Variants in CCND2 observed in about 807,000 individuals in gnomAD.
CCND2 encodes the protein cyclin D2, also known as G1/S-specific cyclin-D2.
Under a neutral mutation model 30.2 loss-of-function variants are expected in CCND2, and 6 were observed. The ratio of observed to expected loss-of-function variants is 0.20; its 90% CI spans 0.11 to 0.39. The LOEUF is 0.39. Ranked by LOEUF, CCND2 falls within the 10% of genes least tolerant of loss-of-function variation. The probability of loss-of-function intolerance (pLI) is 1.00; values close to 1 mark genes in which losing one functional copy is unlikely to be tolerated. For missense variants in CCND2, 235 were observed against 373.4 expected (o/e 0.63, Z 3.06); for synonymous variants, 150 against 153.1 (o/e 0.98, Z 0.15).
chr12:4,296,258 A>G (rs1359821193), intron 4 of CCND2, among the ~76,000 whole-genome samples: 1 of 152,232 alleles, frequency 6.6e-6, no homozygotes, highest in African/African-American at 2.4e-5. Flanking sequence ...TTGCGGTAAA[A>G]GATACATTAA....
At position 4,300,773 on chromosome 12, in the gene CCND2, T is replaced by C; in HGVS notation, c.*764T>C. On this transcript the variant is annotated 3_prime_UTR_variant, in exon 5 of 5. Transcript: ENST00000261254. ...CATATTGCTATCTAATGGGGAAATG[T>C]AGCTATGGGCCATAACCAAAACTCA... 1 of 233,746 alleles carries C rather than the reference T, an allele frequency of 4.3e-6. No homozygotes were observed. The highest frequency in any genetic ancestry group is 6.0e-5 in the East Asian group (1 of 16,590). The allele number at this position is 233,746 out of a possible 1,614,324, so 14.5% of individuals were successfully genotyped here.
In CCND2 at chr12:4,276,307, C is replaced by A; in HGVS notation, c.411+87C>A. On this transcript the variant is annotated intron_variant, in intron 2 of 4. Transcript: ENST00000261254. The surrounding 1 kb of genome is among the most constrained non-coding windows in gnomAD (Gnocchi z 4.8). ...ATGCCTTCTATCACCACTGCCAGAG[C>A]AAATTCTTGGGATCCAGAATGACCC... The A allele has an allele frequency of 8.8e-7, 1 of 1,138,894 alleles. No individual in the cohort carries two copies. The highest frequency in any genetic ancestry group is 1.3e-6 in the Non-Finnish European group (1 of 789,898). The allele number at this position is 1,138,894 out of a possible 1,614,324, so 70.5% of individuals were successfully genotyped here.
At position 4,305,348 on chromosome 12, in the gene CCND2, C is replaced by G. The variant is rs1864301989; in HGVS notation, c.*5339C>G. The G allele has an allele frequency of 4.6e-6, 1 of 219,634 alleles. No homozygotes were observed. The highest frequency in any genetic ancestry group is 9.1e-6 in the Non-Finnish European group (1 of 109,630). 13.6% of individuals were successfully genotyped at this position (219,634 alleles called of 1,614,324 possible). A position where few individuals can be genotyped will look rare whatever the true frequency, so the allele number is the denominator to read the frequency against. ...TATTTGGACAATAAACTCACCTTGA[C>G]CTAAATTATCTGGCCGTTTTTGACT... On this transcript the variant is annotated 3_prime_UTR_variant, in exon 5 of 5. Coordinates refer to ENST00000261254, the MANE Select transcript of CCND2 (RefSeq NM_001759.4). The surrounding 1 kb of genome is among the most constrained non-coding windows in gnomAD (Gnocchi z 6.4).
At chr12:4,290,203 C>T (rs931949163) in intron 4 of CCND2, among the ~76,000 whole-genome samples, 3 of 152,230 alleles carry the variant, frequency 2.0e-5, no homozygotes, top group African/African-American at 7.2e-5. Flanking sequence ...GCCCGCCCAC[C>T]TGGATTTTCC....
In CCND2 at chr12:4,289,452, C is replaced by T. The variant is rs374987039; in HGVS notation, c.720+462C>T. Among the ~76,000 whole-genome samples, 7 of 152,306 alleles carry T rather than the reference C, an allele frequency of 4.6e-5. No individual in the cohort carries two copies. In the South Asian group the frequency reaches 6.2e-4, roughly 14 times the overall value. ...CACAAGAGGTGCCCCACTGTGAGAA[C>T]GGTGTCCGTCCCTGGCAAACCTCTC... On this transcript the variant is annotated intron_variant, in intron 4 of 4. Coordinates refer to ENST00000261254, the MANE Select transcript of CCND2 (RefSeq NM_001759.4).
At chr12:4,288,679 C>T (rs1373222352) in intron 3 of CCND2, among the ~76,000 whole-genome samples, 163 bp from the exon 4 acceptor site, 1 of 152,210 alleles carries the variant, frequency 6.6e-6, no homozygotes, top group African/African-American at 2.4e-5. Context: ...CAAATAAACA[C>T]AGGCTCCTTG....
rs1026802756 is a variant in CCND2 at position 4,303,479 on chromosome 12, T to C, written c.*3470T>C. 4.3e-6 allele frequency: 1 copy of C among 233,604 alleles called. No individual in the cohort carries two copies. Among genetic ancestry groups the C allele is most frequent in the South Asian group, 1.8e-4 (1 of 5,532 alleles). 14.5% of individuals were successfully genotyped at this position (233,604 alleles called of 1,614,324 possible). A position where few individuals can be genotyped will look rare whatever the true frequency, so the allele number is the denominator to read the frequency against. Reference sequence around the variant, plus strand: ...GTTCCAAATTATCCTGGTCTTTTTCTACCTTGTTGTGTTTCTATCTCGTCT... The same window carrying C: ...GTTCCAAATTATCCTGGTCTTTTTCCACCTTGTTGTGTTTCTATCTCGTCT... On this transcript the variant is annotated 3_prime_UTR_variant, in exon 5 of 5. Coordinates refer to ENST00000261254, the MANE Select transcript of CCND2 (RefSeq NM_001759.4). The surrounding 1 kb of genome is among the most constrained non-coding windows in gnomAD (Gnocchi z 4.6).
rs1234475760 is a variant in CCND2, at chr12:4,287,686, G to T, written c.572-1156G>T. Among the ~76,000 whole-genome samples, 1 of 152,212 alleles carries T rather than the reference G, an allele frequency of 6.6e-6. No individual in the cohort carries two copies. Among genetic ancestry groups the T allele is most frequent in the Non-Finnish European group, 1.5e-5 (1 of 68,030 alleles). The stretch of plus-strand genomic sequence containing the variant: ...CACCCATACCATTAGGGTGACGCTC[G>T]TGTGCATCTTCTGTGGCTGATGGGT... On this transcript the variant is annotated intron_variant, in intron 3 of 4. Transcript: ENST00000261254. The surrounding 1 kb of genome is among the most constrained non-coding windows in gnomAD (Gnocchi z 4.0).
At position 4,276,091 on chromosome 12, in the gene CCND2, G is replaced by A. The variant is rs770403051; in HGVS notation, c.282G>A (p.Pro94=). 4 of 1,613,374 alleles carry A rather than the reference G, an allele frequency of 2.5e-6. No homozygotes were observed. The East Asian group carries it at 6.7e-5, about 27-fold the overall frequency. ...GTTTCTTGGCTGGGGTCCCGACTCCGAAGTCCCATCTGCAACTCCTGGGTG... is the reference window on the plus strand; with the variant it reads ...GTTTCTTGGCTGGGGTCCCGACTCCAAAGTCCCATCTGCAACTCCTGGGTG... ...LDRFLAGVPT[P]KSHLQLLGAV... is the part of the protein sequence containing the mutation. Residue 94 remains proline (P), a synonymous_variant, in exon 2 of 5, where the codon CCG becomes CCA. Coordinates refer to ENST00000261254, the MANE Select transcript of CCND2 (RefSeq NM_001759.4). The surrounding 1 kb of genome is among the most constrained non-coding windows in gnomAD (Gnocchi z 4.8).
At position 4,299,810 on chromosome 12, in the gene CCND2, C is replaced by G; in HGVS notation, c.721-50C>G. The G allele has an allele frequency of 2.5e-6, 4 of 1,571,024 alleles. No individual in the cohort carries two copies. The highest frequency in any genetic ancestry group is 2.3e-5 in the East Asian group (1 of 44,322). On this transcript the variant is annotated intron_variant, in intron 4 of 4. Coordinates refer to ENST00000261254, the MANE Select transcript of CCND2 (RefSeq NM_001759.4). The surrounding 1 kb of genome is among the most constrained non-coding windows in gnomAD (Gnocchi z 5.2). ...ACGCATGTTTTCTCCGTAGGATGCTCTATGTCCTGTTCCTCTTACTAACAA... is the reference window on the plus strand; with the variant it reads ...ACGCATGTTTTCTCCGTAGGATGCTGTATGTCCTGTTCCTCTTACTAACAA...
intron 3 of CCND2, among the ~76,000 whole-genome samples, chr12:4,283,072 T>C (rs1294199151): frequency 1.3e-5 from 2 of 152,066 alleles, no homozygotes; most frequent in African/African-American, 4.8e-5. Context: ...AAATGATGGG[T>C]GCTAAATGTA....
intron 4 of CCND2, among the ~76,000 whole-genome samples, chr12:4,298,145 T>G (rs3217910): frequency 7.3e-4 from 111 of 152,378 alleles, no homozygotes; most frequent in African/African-American, 2.7e-3. Context: ...CTGATTATTT[T>G]GTGGGGAAAC....
rs2120523066 is a variant in CCND2, at chr12:4,276,134, G to A, written c.325G>A (p.Ala109Thr). The A allele has an allele frequency of 1.2e-6, 2 of 1,614,120 alleles. No individual in the cohort carries two copies. The highest frequency in any genetic ancestry group is 1.7e-6 in the Non-Finnish European group (2 of 1,180,036). ...QLLGAVCMFLASKLKETSPLT... is the reference protein window; with the variant it reads ...QLLGAVCMFLTSKLKETSPLT... ...CCTGGGTGCTGTCTGCATGTTCCTG[G>A]CCTCCAAACTCAAAGAGACCAGCCC... The change falls in exon 2 of 5, where the codon GCC becomes ACC. Residue 109 changes from alanine to threonine, a missense_variant. Transcript: ENST00000261254. The surrounding 1 kb of genome is among the most constrained non-coding windows in gnomAD (Gnocchi z 4.8).
chr12:4,278,346 C>G (rs374268324), intron 2 of CCND2, among the ~76,000 whole-genome samples: 1 of 151,916 alleles, frequency 6.6e-6, no homozygotes, highest in East Asian at 1.9e-4. Flanking sequence ...ACTATTAATT[C>G]GGTGATAGAG....
In CCND2 at chr12:4,302,322, T is replaced by C; in HGVS notation, c.*2313T>C. ...ATTTATGCGGTAGGCTCAGATGTCG[T>C]AATTTGCACTTAGGTACCAGGTGTC... On this transcript the variant is annotated 3_prime_UTR_variant, in exon 5 of 5. Coordinates refer to ENST00000261254, the MANE Select transcript of CCND2 (RefSeq NM_001759.4). 1 of 233,126 alleles carries C rather than the reference T, an allele frequency of 4.3e-6. No individual in the cohort carries two copies. Among genetic ancestry groups the C allele is most frequent in the Non-Finnish European group, 8.5e-6 (1 of 117,960 alleles). The allele number at this position is 233,126 out of a possible 1,614,324, so 14.4% of individuals were successfully genotyped here.
In CCND2 at chr12:4,288,731, C is replaced by T; in HGVS notation, c.572-111C>T. The T allele has an allele frequency of 3.0e-6, 3 of 994,730 alleles. 1 individual carries two copies. Among genetic ancestry groups the T allele is most frequent in the Non-Finnish European group, 4.5e-6 (3 of 663,962 alleles). 61.6% of individuals were successfully genotyped at this position (994,730 alleles called of 1,614,324 possible). A position where few individuals can be genotyped will look rare whatever the true frequency, so the allele number is the denominator to read the frequency against. On this transcript the variant is annotated intron_variant, in intron 3 of 4. Coordinates refer to ENST00000261254, the MANE Select transcript of CCND2 (RefSeq NM_001759.4). Reference sequence around the variant, plus strand: ...AGGACATGCCTGTAGGGCACGGGGTCACTCGCGCCGCTGACCTGCTGCCGT... The same window carrying T: ...AGGACATGCCTGTAGGGCACGGGGTTACTCGCGCCGCTGACCTGCTGCCGT...
At chr12:4,295,049 T>C (rs1368255999) in intron 4 of CCND2, among the ~76,000 whole-genome samples, 1 of 152,212 alleles carries the variant, frequency 6.6e-6, no homozygotes, top group African/African-American at 2.4e-5. Context: ...CACCATCTCC[T>C]CTGCCTTCAC....
rs575069680 is a variant in CCND2 at position 4,299,633 on chromosome 12, T to C, written c.721-227T>C. On this transcript the variant is annotated intron_variant, in intron 4 of 4. Coordinates refer to ENST00000261254, the MANE Select transcript of CCND2 (RefSeq NM_001759.4). The surrounding 1 kb of genome is among the most constrained non-coding windows in gnomAD (Gnocchi z 5.2). Reference sequence around the variant, plus strand: ...GCTCGGCCTGGGTTGACTGAGATTCTGCGGTTCCAACAAGCTCGCAGGTGA... The same window carrying C: ...GCTCGGCCTGGGTTGACTGAGATTCCGCGGTTCCAACAAGCTCGCAGGTGA... Among the ~76,000 whole-genome samples the C allele has an allele frequency of 2.4e-4, 36 of 152,218 alleles. No individual in the cohort carries two copies. The highest frequency in any genetic ancestry group is 5.0e-4 in the Non-Finnish European group (34 of 68,036).
chr12:4,289,929 G>GA (rs930777673), intron 4 of CCND2, among the ~76,000 whole-genome samples: 10 of 152,014 alleles, frequency 6.6e-5, no homozygotes, highest in Admixed American at 3.9e-4. Context: ...CTTTTGGTTT[G>GA]AAAAAAAACC....
Sources: allele counts gnomAD v4.1 joint callset (sites outside exome capture counted in the v4.1 genomes callset), GRCh38; gene constraint gnomAD v4.1.1; non-coding constraint Gnocchi (gnomAD v3.1); transcripts MANE v1.5; gene names NCBI Gene and HGNC (gene_info 2026-07-23, HGNC 2026-07-21).